The following COL6A5 variants were observed in gnomAD, a reference collection of about 807,000 sequenced individuals.
COL6A5 encodes the protein collagen type VI alpha 5 chain.
A neutral mutation model predicts 65.6 loss-of-function variants in COL6A5; 48 were observed. That is an observed-to-expected ratio of 0.73 (90% CI 0.58 to 0.93). The LOEUF (loss-of-function observed/expected upper bound fraction) is 0.93, where lower values mean the gene tolerates loss of function less well. Among genes scored for constraint, COL6A5 ranks in the 40% least tolerant of loss-of-function variants. The pLI is 0.00. For synonymous variants in COL6A5, 291 were observed against 322.8 expected (o/e 0.90, Z 1.05); for missense variants, 914 against 928.3 (o/e 0.98, Z 0.20).
chr3:130,363,898 C>A (rs1272973424), intron 1 of COL6A5, among the ~76,000 whole-genome samples: 1 of 152,164 alleles, frequency 6.6e-6, no homozygotes, highest in Non-Finnish European at 1.5e-5. Flanking sequence ...ATAAATTGTA[C>A]TTGTGATTTT....
At chr3:130,446,318 A>G (rs1435314910) in intron 4 of COL6A5, among the ~76,000 whole-genome samples, 2 of 152,158 alleles carry the variant, frequency 1.3e-5, no homozygotes, top group Non-Finnish European at 2.9e-5. Context: ...CATAAGCCCA[A>G]TAAGAATAAT....
At chr3:130,391,818 A>G (rs934328331) in intron 7 of COL6A5, 64 bp downstream of exon 7, 5 of 1,266,318 alleles carry the variant, frequency 3.9e-6, no homozygotes, top group Non-Finnish European at 5.4e-6. Flanking sequence ...AAAGTAAATC[A>G]TAAGTCTCAG....
At chr3:130,384,835 C>G in exon 5 of COL6A5, 1 of 1,549,298 alleles carries the variant, frequency 6.5e-7, no homozygotes, top group Non-Finnish European at 8.7e-7. Context: ...CTGATATCCA[C>G]TTCCTCATTG....
chr3:130,456,468 A>G (rs1223149080), intron 5 of COL6A5, among the ~76,000 whole-genome samples: 1 of 152,140 alleles, frequency 6.6e-6, no homozygotes, highest in Admixed American at 6.6e-5. Context: ...TCGATTGTGT[A>G]ATACAAAAGA....
intron 4 of COL6A5, among the ~76,000 whole-genome samples, chr3:130,448,019 A>G (rs1709347776): frequency 6.6e-6 from 1 of 152,196 alleles, no homozygotes; most frequent in African/African-American, 2.4e-5. Flanking sequence ...CGGAATGTTG[A>G]AAGGCAGCTT....
chr3:130,481,507 C>T (rs774796739), intron 7 of COL6A5, among the ~76,000 whole-genome samples: 2 of 152,010 alleles, frequency 1.3e-5, no homozygotes, highest in African/African-American at 2.4e-5. Context: ...AGTAAATATA[C>T]GTGTGCATGT....
At chr3:130,376,930 A>G (rs1935806147) in intron 3 of COL6A5, 94 bp downstream of exon 3, 5 of 1,345,146 alleles carry the variant, frequency 3.7e-6, no homozygotes, top group Non-Finnish European at 4.9e-6. Flanking sequence ...GGTTTTCATG[A>G]TTAGCCATGT....
At chr3:130,394,933 C>T (rs750133789) in exon 8 of COL6A5, 1 of 1,551,534 alleles carries the variant, frequency 6.4e-7, no homozygotes, top group South Asian at 1.2e-5. Flanking sequence ...TTTGCGATGG[C>T]TCTGACAGGG....
At chr3:130,468,997 C>G in exon 6 of COL6A5, 1 of 1,612,866 alleles carries the variant, frequency 6.2e-7, no homozygotes, top group Non-Finnish European at 8.5e-7. Flanking sequence ...TGACCTCCAC[C>G]TTAGGAGACA....
At chr3:130,393,996 A>G (rs545478092) in intron 7 of COL6A5, among the ~76,000 whole-genome samples, 2 of 138,838 alleles carry the variant, frequency 1.4e-5, no homozygotes, top group Non-Finnish European at 3.0e-5. Context: ...TGTGTCTGCC[A>G]CACTACCCTT....
chr3:130,468,736 C>A, intron 5 of COL6A5, 59 bp from the exon 38 acceptor site: 1 of 1,218,638 alleles, frequency 8.2e-7, no homozygotes, highest in Non-Finnish European at 1.2e-6. Context: ...CCATCTATGA[C>A]TAGGAGCTCC....
chr3:130,435,482 C>T (rs1171944034), intron 1 of COL6A5, among the ~76,000 whole-genome samples: 1 of 152,118 alleles, frequency 6.6e-6, no homozygotes, highest in Non-Finnish European at 1.5e-5. Flanking sequence ...TGAAGAATGT[C>T]AATGGTAGTT....
intron 1 of COL6A5, among the ~76,000 whole-genome samples, chr3:130,357,648 AT>A (rs1469271726): frequency 1.3e-5 from 2 of 152,332 alleles, no homozygotes; most frequent in Non-Finnish European, 2.9e-5. Context: ...GTCATTCAAT[AT>A]TAATAACTCT....
At chr3:130,409,630 T>C (rs554077069) in intron 18 of COL6A5, among the ~76,000 whole-genome samples, 1 of 152,254 alleles carries the variant, frequency 6.6e-6, no homozygotes, top group Non-Finnish European at 1.5e-5. Flanking sequence ...TTCCATAGCT[T>C]TATTTATTGG....
Position 130,362,252 on chromosome 3 carries a change from T to TTCTCTCTTTCTCTCTCTCTCTC in COL6A5, c.-28-11352_-28-11351insTTCTCTCTCTCTCTCTCTCTCT, listed in dbSNP as rs1553744416. 4.9e-4 allele frequency among the ~76,000 whole-genome samples: 56 copies of TTCTCTCTTTCTCTCTCTCTCTC among 114,352 alleles called. 1 individual carries two copies. The highest frequency in any genetic ancestry group is 1.9e-3 in the African/African-American group (53 of 28,262). The allele number at this position is 114,352 out of a possible 152,430, so 75.0% of individuals were successfully genotyped here. A position where few individuals can be genotyped will look rare whatever the true frequency, so the allele number is the denominator to read the frequency against. ...TTTTTGGGAAGGGTGTAAGGTTTCTTTCTCTCTCTCTCTCTCTCTTTGTCT... is the reference window on the plus strand; with the variant it reads ...TTTTTGGGAAGGGTGTAAGGTTTCTTTCTCTCTTTCTCTCTCTCTCTCTCTCTCTCTCTCTCTCTCTTTGTCT... On this transcript the variant is annotated intron_variant and NMD_transcript_variant, in intron 1 of 41. Transcript: ENST00000312481.
chr3:130,393,829 G>C (rs1306914467), intron 7 of COL6A5, among the ~76,000 whole-genome samples: 3 of 152,164 alleles, frequency 2.0e-5, no homozygotes, highest in African/African-American at 7.2e-5. Flanking sequence ...GCCTGGATGT[G>C]GTGGCCCTAG....
At chr3:130,401,735 C>G (rs1936822850) in intron 11 of COL6A5, 27 bp from the exon 12 acceptor site, 1 of 1,485,554 alleles carries the variant, frequency 6.7e-7, no homozygotes, top group Non-Finnish European at 9.2e-7. Flanking sequence ...AATTGCTATT[C>G]CCTCAGCTTT....
intron 7 of COL6A5, among the ~76,000 whole-genome samples, chr3:130,483,007 A>G (rs3112293): frequency 0.64 from 96,865 of 152,084 alleles, 33,789 homozygotes; most frequent in Non-Finnish European, 0.79. Context: ...AGGGAAGCCC[A>G]TCAGACTAAC....
At chr3:130,433,988 A>G (rs915331634) in intron 1 of COL6A5, among the ~76,000 whole-genome samples, 3 of 151,578 alleles carry the variant, frequency 2.0e-5, no homozygotes, top group Non-Finnish European at 2.9e-5. Flanking sequence ...AACAAAAAAA[A>G]CAGGATACAT....
Sources: allele counts gnomAD v4.1 joint callset (sites outside exome capture counted in the v4.1 genomes callset), GRCh38; gene constraint gnomAD v4.1.1; transcripts MANE v1.5; gene names NCBI Gene and HGNC (gene_info 2026-07-23, HGNC 2026-07-21).